RANBP2: variants seen among roughly 807,000 people sequenced by gnomAD.
RANBP2 encodes RAN binding protein 2.
Under a neutral mutation model 303.6 loss-of-function variants are expected in RANBP2, and 57 were observed. The ratio of observed to expected loss-of-function variants is 0.19; its 90% confidence interval spans 0.15 to 0.23. The LOEUF is 0.23. RANBP2 is among the 10% of genes least tolerant of loss of function. The probability of loss-of-function intolerance (pLI) is 1.00; values close to 1 mark genes in which losing one functional copy is unlikely to be tolerated. For synonymous variants in RANBP2, 1,167 were observed against 1,301.5 expected (o/e 0.90, Z 2.23); for missense variants, 3,138 against 3,780.8 (o/e 0.83, Z 4.46).
At chr2:109,193,234 G>A in the RANBP2 span, among the ~76,000 whole-genome samples, 1 of 152,210 alleles carries the variant, frequency 6.6e-6, no homozygotes, top group Admixed American at 6.5e-5. Context: ...GTGAGTGAGA[G>A]AGAAATAGGT....
the RANBP2 span, among the ~76,000 whole-genome samples, chr2:109,326,793 A>G: frequency 6.6e-6 from 1 of 152,126 alleles, no homozygotes; most frequent in East Asian, 1.9e-4. Flanking sequence ...CTTCCCAATA[A>G]AGTAGGTTTT....
the RANBP2 span, among the ~76,000 whole-genome samples, chr2:109,327,567 G>C: frequency 6.6e-6 from 1 of 152,120 alleles, no homozygotes; most frequent in African/African-American, 2.4e-5. Context: ...CATCAAGTTG[G>C]GAGAAAATTA....
At chr2:109,464,890 T>C in the RANBP2 span, among the ~76,000 whole-genome samples, 1 of 152,210 alleles carries the variant, frequency 6.6e-6, no homozygotes, top group Non-Finnish European at 1.5e-5. Flanking sequence ...TTTTGACAAA[T>C]GTATAATGAC....
the RANBP2 span, among the ~76,000 whole-genome samples, chr2:109,183,706 C>T: frequency 4.6e-5 from 7 of 152,236 alleles, no homozygotes; most frequent in Non-Finnish European, 1.0e-4. Flanking sequence ...ACTGATGAGT[C>T]TCTCAGCACT....
the RANBP2 span, among the ~76,000 whole-genome samples, chr2:109,457,985 G>GA: frequency 6.6e-6 from 1 of 152,322 alleles, no homozygotes; most frequent in East Asian, 1.9e-4. Flanking sequence ...AGAAAGAACA[G>GA]AGAGTGCTGG....
At chr2:108,989,925 C>T in the RANBP2 span, among the ~76,000 whole-genome samples, 1 of 152,166 alleles carries the variant, frequency 6.6e-6, no homozygotes, top group Non-Finnish European at 1.5e-5. Context: ...GGCTAGATTT[C>T]TGTGTTCTCC....
At chr2:108,946,918 C>A in the RANBP2 span, among the ~76,000 whole-genome samples, 6 of 152,216 alleles carry the variant, frequency 3.9e-5, no homozygotes, top group African/African-American at 1.2e-4. Context: ...ATTTCAAAAC[C>A]AATCATGCCT....
chr2:109,105,871 T>G, the RANBP2 span, among the ~76,000 whole-genome samples: 1 of 134,470 alleles, frequency 7.4e-6, no homozygotes, highest in Non-Finnish European at 1.7e-5. Context: ...TTTTTTTTTT[T>G]GAAATGGAAT....
chr2:109,173,340 G>A, the RANBP2 span, among the ~76,000 whole-genome samples: 38 of 152,068 alleles, frequency 2.5e-4, no homozygotes, highest in African/African-American at 8.7e-4. Context: ...TGCTCTGCCC[G>A]TTATCAACCG....
At chr2:109,174,080 C>T in the RANBP2 span, among the ~76,000 whole-genome samples, 1 of 152,352 alleles carries the variant, frequency 6.6e-6, no homozygotes, top group African/African-American at 2.4e-5. Context: ...CCATAGCCTT[C>T]CTTGCCTGTG....
the RANBP2 span, among the ~76,000 whole-genome samples, chr2:109,476,418 G>A: frequency 6.6e-6 from 1 of 152,188 alleles, no homozygotes; most frequent in Non-Finnish European, 1.5e-5. Context: ...GAGGTACTGG[G>A]TAGCCCCAGG....
At chr2:109,080,750 C>G in the RANBP2 span, among the ~76,000 whole-genome samples, 1 of 152,198 alleles carries the variant, frequency 6.6e-6, no homozygotes, top group Non-Finnish European at 1.5e-5. Flanking sequence ...AAAACCAGTA[C>G]TCTAGCAAGT....
chr2:109,127,051 C>T, the RANBP2 span, among the ~76,000 whole-genome samples: 9 of 152,210 alleles, frequency 5.9e-5, no homozygotes, highest in South Asian at 2.1e-4. Flanking sequence ...GCCCTTCCTT[C>T]GGCCCTCAAG....
the RANBP2 span, among the ~76,000 whole-genome samples, chr2:109,156,497 G>A: frequency 6.6e-6 from 1 of 151,940 alleles, no homozygotes; most frequent in East Asian, 1.9e-4. Context: ...CCAGGCTGGA[G>A]TGCAGTGGTG....
chr2:109,509,308 G>A, the RANBP2 span, among the ~76,000 whole-genome samples: 4 of 152,180 alleles, frequency 2.6e-5, no homozygotes, highest in African/African-American at 9.7e-5. Context: ...GCAAACCCAC[G>A]TGCCTGTATC....
At chr2:109,680,696 CG>C in the RANBP2 span, among the ~76,000 whole-genome samples, 2 of 152,142 alleles carry the variant, frequency 1.3e-5, no homozygotes, top group African/African-American at 2.4e-5. Flanking sequence ...TCTCAGCCAC[CG>C]GAATCTCACC....
chr2:108,917,086 C>A, the RANBP2 span, among the ~76,000 whole-genome samples: 1 of 152,232 alleles, frequency 6.6e-6, no homozygotes, highest in Non-Finnish European at 1.5e-5. Context: ...GACCCTCAAA[C>A]CACAGATAAA....
intron 9 of RANBP2, among the ~76,000 whole-genome samples, chr2:108,750,322 G>A (rs1675774826): frequency 6.6e-6 from 1 of 152,098 alleles, no homozygotes; most frequent in Non-Finnish European, 1.5e-5. Flanking sequence ...TTATGAAGTA[G>A]TCATAATTTG....
chr2:108,983,443 T>G, the RANBP2 span, among the ~76,000 whole-genome samples: 1 of 152,166 alleles, frequency 6.6e-6, no homozygotes, highest in Admixed American at 6.5e-5. Flanking sequence ...CACATCTAAC[T>G]GGGTAAATAA....
Sources: allele counts gnomAD v4.1 joint callset (sites outside exome capture counted in the v4.1 genomes callset), GRCh38; gene constraint gnomAD v4.1.1; transcripts MANE v1.5; gene names NCBI Gene and HGNC (gene_info 2026-07-23, HGNC 2026-07-21).